AFAP1: variants seen among roughly 807,000 people sequenced by gnomAD.
AFAP1 encodes the protein actin filament-associated protein 1.
A neutral mutation model predicts 93.9 loss-of-function variants in AFAP1; 75 were observed. That is an observed-to-expected ratio of 0.80 (90% confidence interval 0.66 to 0.97). The LOEUF (loss-of-function observed/expected upper bound fraction) is 0.97, where lower values mean the gene tolerates loss of function less well. AFAP1 is among the 50% of genes least tolerant of loss of function. The probability of loss-of-function intolerance (pLI) is 0.00; values close to 1 mark genes in which losing one functional copy is unlikely to be tolerated. For synonymous variants in AFAP1, 517 were observed against 430.7 expected (o/e 1.20, Z -2.48); for missense variants, 1,201 against 1,050.8 (o/e 1.14, Z -1.98).
At chr4:7,838,146 G>A (rs1712536389) in intron 6 of AFAP1, among the ~76,000 whole-genome samples, 1 of 152,134 alleles carries the variant, frequency 6.6e-6, no homozygotes, top group African/African-American at 2.4e-5. Context: ...TTAAGAAAAT[G>A]GCTGAAAAAA....
At chr4:7,914,892 C>T (rs1248193575) in intron 1 of AFAP1, among the ~76,000 whole-genome samples, 3 of 152,062 alleles carry the variant, frequency 2.0e-5, no homozygotes, top group Admixed American at 6.6e-5. Flanking sequence ...GGATTATGGG[C>T]GCCCACCACC....
chr4:7,862,695 G>A lies in AFAP1; in HGVS notation c.225+5927C>T, dbSNP rs568630748. Among the ~76,000 whole-genome samples the A allele has an allele frequency of 7.2e-5, 11 of 152,236 alleles. No individual in the cohort carries two copies. The East Asian group carries it at 1.2e-3, about 16-fold the overall frequency. ...TAAGTTCTGGCCCTAAAATACCAGC[G>A]AATTAAGTTGCTCCCTCTGCTATCC... On this transcript the variant is annotated intron_variant, in intron 3 of 17. Coordinates refer to ENST00000420658, the MANE Select transcript of AFAP1 (RefSeq NM_001134647.2).
chr4:7,833,883 C>T (rs1010935398), intron 6 of AFAP1, among the ~76,000 whole-genome samples: 3 of 152,058 alleles, frequency 2.0e-5, no homozygotes, highest in African/African-American at 7.2e-5. Flanking sequence ...CCACTGCGCC[C>T]GACCTGGAGG....
intron 12 of AFAP1, among the ~76,000 whole-genome samples, chr4:7,783,063 C>G (rs982979559): frequency 1.3e-5 from 2 of 152,190 alleles, no homozygotes; most frequent in African/African-American, 4.8e-5. Context: ...TCATCTTAGT[C>G]TAAGCATCAG....
intron 1 of AFAP1, among the ~76,000 whole-genome samples, chr4:7,914,590 C>T (rs1225415708): frequency 2.6e-5 from 4 of 152,114 alleles, no homozygotes; most frequent in Non-Finnish European, 5.9e-5. Context: ...CGGTGAACAG[C>T]GCTGCAGGTA....
intron 2 of AFAP1, 114 bp downstream of exon 2, chr4:7,871,838 A>T: frequency 7.2e-7 from 1 of 1,387,260 alleles, no homozygotes; most frequent in Non-Finnish European, 9.8e-7. Flanking sequence ...ATGAATAAAT[A>T]AGCTTGTAAG....
intron 8 of AFAP1, among the ~76,000 whole-genome samples, chr4:7,812,415 G>A (rs993935866): frequency 6.6e-5 from 10 of 152,108 alleles, no homozygotes; most frequent in Admixed American, 1.3e-4. Context: ...ATTAAAACTT[G>A]GAATTCCTTG....
At chr4:7,806,005 G>A (rs932850359) in intron 9 of AFAP1, among the ~76,000 whole-genome samples, 1 of 152,194 alleles carries the variant, frequency 6.6e-6, no homozygotes, top group African/African-American at 2.4e-5. Context: ...GGATGGGGAA[G>A]AGAGAAAAAG....
At chr4:7,872,234 TA>T (rs1577323457) in intron 1 of AFAP1, 154 bp from the exon 2 acceptor site, 2 of 903,828 alleles carry the variant, frequency 2.2e-6, no homozygotes, top group East Asian at 5.4e-5. Flanking sequence ...GCAGGTCCAC[TA>T]AAAGATTCAG....
At chr4:7,833,607 T>TTA (rs1553842696) in intron 6 of AFAP1, among the ~76,000 whole-genome samples, 3 of 150,358 alleles carry the variant, frequency 2.0e-5, no homozygotes, top group Non-Finnish European at 4.4e-5. Context: ...TTTTTTTTTT[T>TTA]AGATGGAGTC....
intron 6 of AFAP1, among the ~76,000 whole-genome samples, chr4:7,836,258 G>C (rs868554101): frequency 2.6e-5 from 4 of 152,068 alleles, no homozygotes; most frequent in Admixed American, 1.3e-4. Context: ...ACTGAAATCT[G>C]CTTCAACATG....
chr4:7,928,256 T>C (rs1315984116), intron 1 of AFAP1, among the ~76,000 whole-genome samples: 1 of 152,174 alleles, frequency 6.6e-6, no homozygotes, highest in Non-Finnish European at 1.5e-5. Context: ...AGGTGCAAAT[T>C]TCACTTACTC....
intron 1 of AFAP1, among the ~76,000 whole-genome samples, chr4:7,931,960 A>G (rs1258168056): frequency 6.6e-6 from 1 of 151,260 alleles, no homozygotes; most frequent in Non-Finnish European, 1.5e-5. Flanking sequence ...TCCAGGGTCC[A>G]CGCCATTCTC....
chr4:7,778,507 C>T (rs1716390581), intron 14 of AFAP1: 1 of 547,420 alleles, frequency 1.8e-6, no homozygotes, highest in South Asian at 2.0e-5. Context: ...TCACAACTGC[C>T]TCCTATTTTA....
At position 7,939,608 on chromosome 4, in the gene AFAP1, A is replaced by C. The variant is rs753061952; in HGVS notation, c.-3+48T>G. 2.4e-6 allele frequency: 1 copy of C among 408,736 alleles called. No homozygotes were observed. The highest frequency in any genetic ancestry group is 4.8e-6 in the Non-Finnish European group (1 of 207,322). 25.3% of individuals were successfully genotyped at this position (408,736 alleles called of 1,614,324 possible). ...CTCGGAGCTTCCACGCCCGGGGCAGAGACCCCCGCCGGGTCCGGAGACCCT... is the reference window on the plus strand; with the variant it reads ...CTCGGAGCTTCCACGCCCGGGGCAGCGACCCCCGCCGGGTCCGGAGACCCT... On this transcript the variant is annotated intron_variant, in intron 1 of 17. Coordinates refer to ENST00000420658, the MANE Select transcript of AFAP1 (RefSeq NM_001134647.2). The surrounding 1 kb of genome is among the most constrained non-coding windows in gnomAD (Gnocchi z 5.6).
At chr4:7,932,601 T>TA (rs1721139028) in intron 1 of AFAP1, among the ~76,000 whole-genome samples, 1 of 152,148 alleles carries the variant, frequency 6.6e-6, no homozygotes, top group South Asian at 2.1e-4. Flanking sequence ...TAGCAAAACT[T>TA]ATGTAATCAG....
intron 6 of AFAP1, among the ~76,000 whole-genome samples, chr4:7,832,933 G>A (rs1711805755): frequency 6.6e-6 from 1 of 152,178 alleles, no homozygotes; most frequent in Non-Finnish European, 1.5e-5. Context: ...ATGGTGCTGG[G>A]ATAATTGGCT....
chr4:7,776,515 T>C (rs528583433), intron 14 of AFAP1: 2 of 152,330 alleles, frequency 1.3e-5, no homozygotes, highest in Admixed American at 1.3e-4. Flanking sequence ...CAGCGATAAG[T>C]GATTCCCAGA....
chr4:7,784,121 A>T (rs1717039293), intron 12 of AFAP1, among the ~76,000 whole-genome samples: 1 of 152,100 alleles, frequency 6.6e-6, no homozygotes, highest in African/African-American at 2.4e-5. Context: ...AAGAACTCGC[A>T]CAAGCCCCTA....
Sources: gnomAD v4.1 joint callset for allele counts (sites outside exome capture counted in the v4.1 genomes callset) on GRCh38, gnomAD v4.1.1 for gene constraint, Gnocchi (gnomAD v3.1) non-coding constraint, MANE v1.5 for transcripts, NCBI Gene and HGNC (gene_info 2026-07-23, HGNC 2026-07-21) for gene names.